Variants in EPB41 observed in about 807,000 individuals in gnomAD.
EPB41 encodes the protein erythrocyte membrane protein band 4.1.
EPB41 carries 65 observed loss-of-function variants against 108.0 expected under a neutral mutation model. That is an observed-to-expected ratio of 0.60 (90% confidence interval 0.49 to 0.74). The LOEUF (loss-of-function observed/expected upper bound fraction) is 0.74. Among genes scored for constraint, EPB41 ranks in the 30% least tolerant of loss-of-function variants. The pLI, the probability that EPB41 is intolerant of heterozygous loss-of-function variation, is 0.00. For missense variants in EPB41, 875 were observed against 1,037.0 expected, an observed-to-expected ratio of 0.84 and a Z score of 2.15; for synonymous variants, 336 against 358.9, an observed-to-expected ratio of 0.94 and a Z score of 0.72.
At chr1:29,080,283 T>C (rs1656013313) in intron 16 of EPB41, among the ~76,000 whole-genome samples, 1 of 151,974 alleles carries the variant, frequency 6.6e-6, no homozygotes, top group African/African-American at 2.4e-5. Context: ...CGCACCCGGC[T>C]AATTTTTGCA....
chr1:29,018,433 A>C lies in EPB41; in HGVS notation c.1115A>C (p.Lys372Thr). Residue 372 changes from lysine (K) to threonine (T), a missense_variant, in exon 7 of 21, where the codon AAG becomes ACG. This residue lies in a region of EPB41 where 519 missense variants were observed against 627.3 expected (regional missense o/e 0.83). Coordinates refer to ENST00000343067, the MANE Select transcript of EPB41 (RefSeq NM_001376013.1). This position sits in a 1 kb window ranked among gnomAD's most constrained non-coding sequence, Gnocchi z 4.4. ...ELEEKVMELH[K>T]SYRSMTPAQA... is the part of the protein sequence containing the mutation. ...GAAGAGAAGGTCATGGAACTGCATA[A>C]GTCATACAGGTGAATATGTCTCCAG... 1.2e-6 allele frequency: 2 copies of C among 1,614,124 alleles called. No homozygotes were observed. The highest frequency in any genetic ancestry group is 1.7e-6 in the Non-Finnish European group (2 of 1,179,982).
At chr1:28,890,235 G>A (rs2089975722) in intron 1 of EPB41, among the ~76,000 whole-genome samples, 1 of 151,668 alleles carries the variant, frequency 6.6e-6, no homozygotes, top group Non-Finnish European at 1.5e-5. Context: ...ATAGGATTTT[G>A]CCATGTTGGC....
At position 28,908,230 on chromosome 1, in the gene EPB41, C is replaced by T. The variant is rs141340386; in HGVS notation, c.-8+21020C>T. Among the ~76,000 whole-genome samples the T allele has an allele frequency of 2.4e-3, 362 of 151,256 alleles. 1 individual carries two copies. The highest frequency in any genetic ancestry group is 8.4e-3 in the African/African-American group (346 of 41,164). On this transcript the variant is annotated intron_variant, in intron 1 of 16. Transcript: ENST00000347529. The stretch of plus-strand genomic sequence containing the variant: ...CAGCCTGGCCAAGATAGAGAAGCCC[C>T]GTCTCTACGAAACACATGAAAATTA...
At chr1:28,955,300 T>C (rs955796910) in intron 1 of EPB41, among the ~76,000 whole-genome samples, 2 of 152,128 alleles carry the variant, frequency 1.3e-5, no homozygotes, top group African/African-American at 2.4e-5. Context: ...GTTTAACAAG[T>C]AAGTTCTTGG....
rs796270560 is a variant in EPB41, at chr1:29,035,579, GA to G, written c.1366-233del. Among the ~76,000 whole-genome samples the G allele has an allele frequency of 4.6e-3, 613 of 132,392 alleles. 1 individual carries two copies. Among genetic ancestry groups the G allele is most frequent in the Middle Eastern group, 7.6e-3 (2 of 264 alleles). The allele number at this position is 132,392 out of a possible 152,430, so 86.9% of individuals were successfully genotyped here. A position where few individuals can be genotyped will look rare whatever the true frequency, so the allele number is the denominator to read the frequency against. ...ATAATGAATGTGTGTGTGTTTTCTG[GA>G]AAAAAAAAAAAAAGCTTAAATTATA... On this transcript the variant is annotated intron_variant, in intron 9 of 20. Transcript: ENST00000343067.
chr1:28,973,349 TA>T lies in EPB41; in HGVS notation c.-7-14076del, dbSNP rs532132425. On this transcript the variant is annotated intron_variant, in intron 1 of 20. Coordinates refer to ENST00000343067, the MANE Select transcript of EPB41 (RefSeq NM_001376013.1). Reference sequence around the variant, plus strand: ...GGTGGGGGAGAAATAATATAGCCTTTAAAAAATAATCCATTGTATAACTATT... The same window carrying T: ...GGTGGGGGAGAAATAATATAGCCTTTAAAAATAATCCATTGTATAACTATT... Among the ~76,000 whole-genome samples the T allele has an allele frequency of 1.3e-3, 192 of 152,236 alleles. 1 individual carries two copies. The highest frequency in any genetic ancestry group is 4.0e-3 in the African/African-American group (168 of 41,550).
intron 17 of EPB41, among the ~76,000 whole-genome samples, chr1:29,104,724 C>T (rs1666564082): frequency 6.6e-6 from 1 of 152,162 alleles, no homozygotes; most frequent in African/African-American, 2.4e-5. Flanking sequence ...GCTGGGATTA[C>T]AGGTGCGGGC....
Position 29,036,020 on chromosome 1 carries a change from C to G in EPB41, c.1463+97C>G, listed in dbSNP as rs529205966. ...AATTCCTTTCATTGTATGACTGGCA[C>G]TCTTTTATTTAGCTCAGGTGAGATC... On this transcript the variant is annotated intron_variant, in intron 10 of 20. Coordinates refer to ENST00000343067, the MANE Select transcript of EPB41 (RefSeq NM_001376013.1). 62 of 885,434 alleles carry G rather than the reference C, an allele frequency of 7.0e-5. No homozygotes were observed. In the African/African-American group the frequency reaches 1.0e-3, roughly 14 times the overall value. The allele number at this position is 885,434 out of a possible 1,614,324, so 54.8% of individuals were successfully genotyped here. A position where few individuals can be genotyped will look rare whatever the true frequency, so the allele number is the denominator to read the frequency against.
intron 1 of EPB41, among the ~76,000 whole-genome samples, chr1:28,951,872 C>T (rs1028667890): frequency 2.6e-5 from 4 of 151,948 alleles, no homozygotes; most frequent in South Asian, 4.1e-4. Flanking sequence ...GGAGCAAGAC[C>T]CTGTCTCAAA....
intron 8 of EPB41, among the ~76,000 whole-genome samples, 193 bp downstream of exon 8, chr1:29,030,680 G>A (rs2096777189): frequency 1.3e-5 from 2 of 151,992 alleles, no homozygotes; most frequent in South Asian, 4.1e-4. Flanking sequence ...GGAGGCTGAG[G>A]CGGGAGGATC....
Position 28,904,198 on chromosome 1 carries a change from T to C in EPB41, c.-8+16988T>C, listed in dbSNP as rs157233. ...TTTTTTTTTTTTTTTAAACTTTTTC[T>C]TGCCATCACTCAAGTATGGGATCAT... On this transcript the variant is annotated intron_variant, in intron 1 of 16. Coordinates refer to the EPB41 transcript ENST00000347529. 2.7e-5 allele frequency among the ~76,000 whole-genome samples: 4 copies of C among 150,328 alleles called. No individual in the cohort carries two copies. In the East Asian group the frequency reaches 7.8e-4, roughly 29 times the overall value.
chr1:29,004,838 A>G (rs1232219154), intron 4 of EPB41, among the ~76,000 whole-genome samples: 6 of 152,176 alleles, frequency 3.9e-5, no homozygotes, highest in African/African-American at 1.4e-4. Context: ...CAGCATAAAT[A>G]AGGTTATTCC....
At chr1:28,975,794 C>T (rs2095590379) in intron 1 of EPB41, among the ~76,000 whole-genome samples, 2 of 151,844 alleles carry the variant, frequency 1.3e-5, no homozygotes, top group Non-Finnish European at 2.9e-5. Context: ...CGGTGAAACC[C>T]CGTCTCTAAT....
Position 29,115,807 on chromosome 1 carries a change from C to T in EPB41, c.*6+4C>T. 6.2e-7 allele frequency: 1 copy of T among 1,610,466 alleles called. No individual in the cohort carries two copies. Among genetic ancestry groups the T allele is most frequent in the Non-Finnish European group, 8.5e-7 (1 of 1,176,830 alleles). ...GATTGCTGATGAGTGAGCTCAGGTACTGGGCGTTCCTGCTGGGGCTGAGGG... is the reference window on the plus strand; with the variant it reads ...GATTGCTGATGAGTGAGCTCAGGTATTGGGCGTTCCTGCTGGGGCTGAGGG... On this transcript the variant is annotated splice_donor_region_variant and intron_variant, in intron 20 of 20. Transcript: ENST00000343067. This position sits in a 1 kb window ranked among gnomAD's most constrained non-coding sequence, Gnocchi z 4.4.
At chr1:29,008,470 A>G (rs771976610) in intron 4 of EPB41, among the ~76,000 whole-genome samples, 1 of 152,214 alleles carries the variant, frequency 6.6e-6, no homozygotes. Flanking sequence ...ACACTGTCTT[A>G]TGTAAGGTTA....
chr1:29,004,298 A>C (rs560846662), intron 4 of EPB41, among the ~76,000 whole-genome samples: 1 of 152,314 alleles, frequency 6.6e-6, no homozygotes, highest in African/African-American at 2.4e-5. Context: ...TTAGGACTAC[A>C]TGCAATTCAA....
chr1:29,019,151 C>T (rs1222689766), intron 7 of EPB41, among the ~76,000 whole-genome samples: 1 of 152,114 alleles, frequency 6.6e-6, no homozygotes, highest in East Asian at 1.9e-4. Flanking sequence ...CACAATGGCT[C>T]GCACCTGAAA....
intron 7 of EPB41, among the ~76,000 whole-genome samples, chr1:29,028,673 C>T (rs1389628403): frequency 6.6e-6 from 1 of 152,110 alleles, no homozygotes; most frequent in Non-Finnish European, 1.5e-5. Flanking sequence ...TAATGTGATC[C>T]CTGAGAACCT....
chr1:28,898,386 G>A (rs2090937227), intron 1 of EPB41, among the ~76,000 whole-genome samples: 1 of 152,046 alleles, frequency 6.6e-6, no homozygotes, highest in African/African-American at 2.4e-5. Flanking sequence ...TGCCAGCCCT[G>A]CCACTGAAAA....
Sources: gnomAD v4.1 joint callset for allele counts (sites outside exome capture counted in the v4.1 genomes callset) on GRCh38, gnomAD v4.1.1 for gene constraint, gnomAD v4.1.1 regional missense constraint, Gnocchi (gnomAD v3.1) non-coding constraint, MANE v1.5 for transcripts, NCBI Gene and HGNC (gene_info 2026-07-23, HGNC 2026-07-21) for gene names.